ZNF493: variants seen among roughly 807,000 people sequenced by gnomAD.
ZNF493 encodes zinc finger protein 493.
In ZNF493, 11 loss-of-function variants were observed where a neutral mutation model predicts 12.2. That is an observed-to-expected ratio of 0.90 (90% CI 0.57 to 1.50). The LOEUF (loss-of-function observed/expected upper bound fraction) is 1.50, where lower values mean the gene tolerates loss of function less well. ZNF493 is among the 40% of genes most tolerant of loss of function. ZNF493 has a pLI of 0.00. For synonymous variants in ZNF493, 286 were observed against 302.6 expected (o/e 0.95, Z 0.57); for missense variants, 950 against 906.6 (o/e 1.05, Z -0.61).
rs1446528223 is a variant in ZNF493 at position 21,425,916 on chromosome 19, A to G, written c.*932A>G. 1 of 647,782 alleles carries G rather than the reference A, an allele frequency of 1.5e-6. No homozygotes were observed. Among genetic ancestry groups the G allele is most frequent in the Non-Finnish European group, 2.8e-6 (1 of 362,050 alleles). 40.1% of individuals were successfully genotyped at this position (647,782 alleles called of 1,614,324 possible). ...CAAACTTTATTGAACAAAATAATTC[A>G]TACAGGAGAGAAACCCTACAAATGT... is the stretch of plus-strand genomic sequence containing the variant. On this transcript the variant is annotated 3_prime_UTR_variant, in exon 4 of 4. Transcript: ENST00000392288.
Position 21,425,022 on chromosome 19 carries a change from A to C in ZNF493, c.*38A>C. ...AGGCCTTTACTGCTCCTATTCCCTT[A>C]CTAAAGAATGTGGCAAAGCTTTTCA... On this transcript the variant is annotated 3_prime_UTR_variant, in exon 4 of 4. Transcript: ENST00000392288. 6.4e-7 allele frequency: 1 copy of C among 1,562,332 alleles called. No individual in the cohort carries two copies. The highest frequency in any genetic ancestry group is 1.2e-5 in the South Asian group (1 of 82,624).
At chr19:21,417,255 A>T (rs935027650) in intron 3 of ZNF493, among the ~76,000 whole-genome samples, 1 of 152,114 alleles carries the variant, frequency 6.6e-6, no homozygotes, top group Non-Finnish European at 1.5e-5. Flanking sequence ...TTTTAGTATG[A>T]CCATGCTTCC....
In ZNF493 at chr19:21,423,317, A is replaced by T. The variant is rs200439759; in HGVS notation, c.658A>T (p.Ile220Phe). The T allele has an allele frequency of 1.1e-4, 179 of 1,613,682 alleles. No individual in the cohort carries two copies. Among genetic ancestry groups the T allele is most frequent in the Non-Finnish European group, 3.1e-5 (37 of 1,179,848 alleles). Residue 220 changes from isoleucine (I) to phenylalanine (F), a missense_variant, in exon 4 of 4, where the codon ATC (isoleucine) becomes TTC (phenylalanine). By Grantham distance (21) the Ile-to-Phe change is conservative (BLOSUM62 0). Coordinates refer to ENST00000392288, the MANE Select transcript of ZNF493 (RefSeq NM_001076678.3). Reference sequence around the variant, plus strand: ...ATGTGAAGAATGTGGCAAAGCCTTTATCTGGTTTTCAACCCTTACTAGACA... The same window carrying T: ...ATGTGAAGAATGTGGCAAAGCCTTTTTCTGGTTTTCAACCCTTACTAGACA... ...YRCEECGKAFIWFSTLTRHRR... is the reference protein window; with the variant it reads ...YRCEECGKAFFWFSTLTRHRR...
At chr19:21,418,442 C>T (rs1049732778) in intron 3 of ZNF493, among the ~76,000 whole-genome samples, 1 of 152,156 alleles carries the variant, frequency 6.6e-6, no homozygotes, top group Non-Finnish European at 1.5e-5. Flanking sequence ...TTTAAGAGTA[C>T]TTGGGTGTCC....
intron 3 of ZNF493, chr19:21,408,882 T>TTTA: frequency 2.3e-6 from 1 of 429,262 alleles, no homozygotes; most frequent in Non-Finnish European, 3.0e-6. Flanking sequence ...TCTTTCTTTC[T>TTTA]TTTTTTTTTT....
chr19:21,414,935 C>T (rs1453534632), intron 3 of ZNF493, among the ~76,000 whole-genome samples: 1 of 152,162 alleles, frequency 6.6e-6, no homozygotes, highest in Non-Finnish European at 1.5e-5. Flanking sequence ...ACAAAGTCAT[C>T]TAAATGGGTT....
Position 21,425,154 on chromosome 19 carries a change from TATAAG to T in ZNF493, c.*175_*179del. 3 of 805,934 alleles carry T rather than the reference TATAAG, an allele frequency of 3.7e-6. No individual in the cohort carries two copies. Among genetic ancestry groups the T allele is most frequent in the South Asian group, 1.6e-5 (1 of 63,558 alleles). 49.9% of individuals were successfully genotyped at this position (805,934 alleles called of 1,614,324 possible). ...CTATTGATTCTCATACCTTACTAAATATAAGATAATTCATATTGGAGAGAAATTCT... is the reference window on the plus strand; with the variant it reads ...CTATTGATTCTCATACCTTACTAAATATAATTCATATTGGAGAGAAATTCT... On this transcript the variant is annotated 3_prime_UTR_variant, in exon 4 of 4. Transcript: ENST00000392288.
chr19:21,409,700 G>T (rs1239250407), intron 3 of ZNF493, among the ~76,000 whole-genome samples: 2 of 152,124 alleles, frequency 1.3e-5, no homozygotes, highest in Non-Finnish European at 2.9e-5. Context: ...ACCCTTAATT[G>T]TGCCACTTCA....
Position 21,405,189 on chromosome 19 carries a change from G to A in ZNF493, c.91G>A (p.Asp31Asn), listed in dbSNP as rs1229045836. The change falls in exon 2 of 4, where the codon GAC (aspartate) becomes AAC (asparagine). Residue 31 changes from aspartate to asparagine, a missense_variant. Transcript: ENST00000392288. ...CTCTCTGGAGGAGTGGCAATGCCTG[G>A]ACACTGCTCAGCAGGATTTGTATAG... ...EFSLEEWQCL[D>N]TAQQDLYRKV... 1 of 1,613,680 alleles carries A rather than the reference G, an allele frequency of 6.2e-7. No individual in the cohort carries two copies. Among genetic ancestry groups the A allele is most frequent in the South Asian group, 1.1e-5 (1 of 91,052 alleles).
intron 3 of ZNF493, among the ~76,000 whole-genome samples, chr19:21,420,225 A>G (rs1416371186): frequency 6.6e-6 from 1 of 152,020 alleles, no homozygotes; most frequent in Non-Finnish European, 1.5e-5. Flanking sequence ...ACTAATGTTA[A>G]TTTATTGTTC....
In ZNF493 at chr19:21,422,917, A is replaced by G. The variant is rs371328044; in HGVS notation, c.258A>G (p.Ile86Met). The G allele has an allele frequency of 1.9e-6, 3 of 1,547,658 alleles. No individual in the cohort carries two copies. The highest frequency in any genetic ancestry group is 1.4e-5 in the African/African-American group (1 of 72,200). Residue 86 changes from isoleucine (I) to methionine (M), a missense_variant, in exon 4 of 4, where the codon ATA (isoleucine) becomes ATG (methionine). By Grantham distance (10) the Ile-to-Met change is conservative. Coordinates refer to ENST00000392288, the MANE Select transcript of ZNF493 (RefSeq NM_001076678.3). ...GHSTVVKPPV[I>M]CSHFAEDFCP... ...TGATATTTTTATTTCTTTCAGTTAT[A>G]TGTTCTCATTTTGCTGAAGACTTTT...
Position 21,412,318 on chromosome 19 carries a change from C to G in ZNF493, c.253+6462C>G, listed in dbSNP as rs187313720. The G allele has an allele frequency of 4.6e-5, 7 of 152,350 alleles. No individual in the cohort carries two copies. In the East Asian group the frequency reaches 1.4e-3, roughly 29 times the overall value. The allele number at this position is 152,350 out of a possible 1,614,324, so 9.4% of individuals were successfully genotyped here. A position where few individuals can be genotyped will look rare whatever the true frequency, so the allele number is the denominator to read the frequency against. ...GCATGTCCTTAAGGCACAGATGGCT[C>G]CTGCTATTGTTTATGGTTTAAGAAT... On this transcript the variant is annotated intron_variant, in intron 3 of 3. Transcript: ENST00000392288.
chr19:21,421,427 A>T (rs1326071753), intron 3 of ZNF493, among the ~76,000 whole-genome samples: 2 of 152,002 alleles, frequency 1.3e-5, no homozygotes, highest in Non-Finnish European at 2.9e-5. Flanking sequence ...GTGCAATGGC[A>T]TGATCTCCAC....
chr19:21,425,897 T>G lies in ZNF493; in HGVS notation c.*913T>G. The G allele has an allele frequency of 1.6e-6, 1 of 618,374 alleles. No individual in the cohort carries two copies. Among genetic ancestry groups the G allele is most frequent in the Non-Finnish European group, 3.0e-6 (1 of 337,588 alleles). The allele number at this position is 618,374 out of a possible 1,614,324, so 38.3% of individuals were successfully genotyped here. Reference sequence around the variant, plus strand: ...AAAGCTTTTAACCAGTCCTCAAACTTTATTGAACAAAATAATTCATACAGG... The same window carrying G: ...AAAGCTTTTAACCAGTCCTCAAACTGTATTGAACAAAATAATTCATACAGG... On this transcript the variant is annotated 3_prime_UTR_variant, in exon 4 of 4. Coordinates refer to ENST00000392288, the MANE Select transcript of ZNF493 (RefSeq NM_001076678.3).
At chr19:21,412,929 T>G (rs1235374487) in intron 3 of ZNF493, 2 of 437,326 alleles carry the variant, frequency 4.6e-6, no homozygotes, top group Admixed American at 5.2e-5. Flanking sequence ...TCATTTGAGG[T>G]CGAGGTGCCA....
Position 21,423,454 on chromosome 19 carries a change from C to T in ZNF493, c.795C>T (p.Tyr265=). 6.2e-7 allele frequency: 1 copy of T among 1,613,668 alleles called. No homozygotes were observed. The highest frequency in any genetic ancestry group is 8.5e-7 in the Non-Finnish European group (1 of 1,179,800). ...GAATTCATACTGGACAGAAACCCTA[C>T]AAATGTGAAGAATGTGGCACATCTT... The part of the protein sequence containing the change: ...HKRIHTGQKP[Y]KCEECGTSFY... Residue 265 remains tyrosine, a synonymous_variant, in exon 4 of 4, where the codon TAC becomes TAT. Transcript: ENST00000392288.
intron 3 of ZNF493, chr19:21,408,670 G>A (rs972105338): frequency 1.0e-6 from 1 of 985,072 alleles, no homozygotes; most frequent in Admixed American, 6.2e-5. Flanking sequence ...TGTTTTCAGT[G>A]TAGGTATCTT....
rs1022204240 is a variant in ZNF493 at position 21,402,165 on chromosome 19, C to T, written c.31-2964C>T. Among the ~76,000 whole-genome samples the T allele has an allele frequency of 5.3e-5, 8 of 151,740 alleles. No individual in the cohort carries two copies. In the East Asian group the frequency reaches 9.8e-4, roughly 19 times the overall value. ...TGTATTTTTAGTAGAGATGGGGTTT[C>T]GCTGTGTTAGCCAGGCTGGTCTCGA... is the stretch of plus-strand genomic sequence containing the variant. On this transcript the variant is annotated intron_variant, in intron 1 of 3. Coordinates refer to ENST00000392288, the MANE Select transcript of ZNF493 (RefSeq NM_001076678.3).
intron 3 of ZNF493, among the ~76,000 whole-genome samples, chr19:21,406,645 T>TA (rs2030140857): frequency 1.3e-5 from 2 of 152,210 alleles, no homozygotes; most frequent in Non-Finnish European, 2.9e-5. Context: ...TATTGGTTTT[T>TA]ATGTTAATTT....
Sources: gnomAD v4.1 joint callset for allele counts (sites outside exome capture counted in the v4.1 genomes callset) on GRCh38, gnomAD v4.1.1 for gene constraint, MANE v1.5 for transcripts, NCBI Gene and HGNC (gene_info 2026-07-23, HGNC 2026-07-21) for gene names.